The following LTBP2 variants were observed in gnomAD, a reference collection of about 807,000 sequenced individuals.
LTBP2 encodes latent transforming growth factor beta binding protein 2.
LTBP2 carries 103 observed loss-of-function variants against 210.6 expected under a neutral mutation model. The observed-to-expected ratio is 0.49, with a 90% confidence interval of 0.42 to 0.58. The LOEUF is 0.58. Among genes scored for constraint, LTBP2 ranks in the 20% least tolerant of loss-of-function variants. LTBP2 has a pLI of 0.00. For missense variants in LTBP2, 2,313 were observed against 2,494.5 expected, an observed-to-expected ratio of 0.93 and a Z score of 1.55; for synonymous variants, 1,007 against 1,015.0, an observed-to-expected ratio of 0.99 and a Z score of 0.15.
intron 22 of LTBP2, 68 bp downstream of exon 22, chr14:74,509,170 T>C: frequency 6.2e-7 from 1 of 1,609,266 alleles, no homozygotes; most frequent in South Asian, 1.1e-5. Context: ...CCCCACCTGC[T>C]GGGCTTCACC....
chr14:74,548,854 G>T (rs1389419524), intron 8 of LTBP2, among the ~76,000 whole-genome samples: 1 of 152,238 alleles, frequency 6.6e-6, no homozygotes, highest in Non-Finnish European at 1.5e-5. Context: ...TGATCAGGAA[G>T]AGCTGGGACT....
intron 18 of LTBP2, among the ~76,000 whole-genome samples, chr14:74,514,878 G>C (rs143956423): frequency 1.3e-5 from 2 of 152,216 alleles, no homozygotes; most frequent in East Asian, 3.8e-4. Flanking sequence ...ACCTGGAGAA[G>C]TGTGCGGGCT....
chr14:74,517,572 T>C (rs2087152365), intron 17 of LTBP2, among the ~76,000 whole-genome samples: 1 of 152,006 alleles, frequency 6.6e-6, no homozygotes, highest in South Asian at 2.1e-4. Flanking sequence ...GAGGTTTCAC[T>C]ATGTTGACCA....
intron 3 of LTBP2, among the ~76,000 whole-genome samples, chr14:74,584,907 C>A (rs1222911662): frequency 2.0e-5 from 3 of 152,174 alleles, no homozygotes; most frequent in Non-Finnish European, 4.4e-5. Flanking sequence ...TGGAACCTAA[C>A]CTCAAGGTCG....
intron 3 of LTBP2, among the ~76,000 whole-genome samples, chr14:74,562,338 G>A (rs983716499): frequency 2.0e-5 from 3 of 152,090 alleles, no homozygotes; most frequent in Admixed American, 2.0e-4. Flanking sequence ...GGGGAGAGGG[G>A]GGAAGGGAAA....
rs368255719 is a variant in LTBP2 at position 74,527,399 on chromosome 14, G to C, written c.2369-33C>G. ...GGAAAGGTAACAGCGTGAGCTCAGG[G>C]AGGAGGGTCTGGCTGCCTTCTCCCC... On this transcript the variant is annotated intron_variant, in intron 12 of 35. Transcript: ENST00000261978. 7.5e-6 allele frequency: 12 copies of C among 1,603,046 alleles called. No homozygotes were observed. The South Asian group carries it at 1.1e-4, about 15-fold the overall frequency.
chr14:74,600,888 G>T (rs965178158), intron 2 of LTBP2, among the ~76,000 whole-genome samples: 4 of 152,140 alleles, frequency 2.6e-5, no homozygotes, highest in Non-Finnish European at 4.4e-5. Flanking sequence ...TTAGAACATA[G>T]AATATCCGCC....
chr14:74,611,033 G>T (rs900605565), intron 1 of LTBP2, among the ~76,000 whole-genome samples: 1 of 152,070 alleles, frequency 6.6e-6, no homozygotes, highest in African/African-American at 2.4e-5. Context: ...CCGCCAACCC[G>T]CGCTCTGAGC....
chr14:74,579,090 C>T (rs934171772), intron 3 of LTBP2, among the ~76,000 whole-genome samples: 7 of 152,194 alleles, frequency 4.6e-5, no homozygotes, highest in African/African-American at 7.2e-5. Context: ...CTCCTGACCT[C>T]GGGTGATCCA....
chr14:74,583,226 A>G (rs1395685124), intron 3 of LTBP2, among the ~76,000 whole-genome samples: 3 of 152,090 alleles, frequency 2.0e-5, no homozygotes, highest in Non-Finnish European at 4.4e-5. Flanking sequence ...TCCCCTCCCC[A>G]GACATTTCCC....
intron 30 of LTBP2, among the ~76,000 whole-genome samples, chr14:74,504,286 T>C (rs934973934): frequency 6.6e-6 from 1 of 152,234 alleles, no homozygotes. Flanking sequence ...GCACGGCGTG[T>C]AGCCAGCACC....
chr14:74,553,325 C>T (rs1237545530), intron 4 of LTBP2, among the ~76,000 whole-genome samples: 1 of 152,158 alleles, frequency 6.6e-6, no homozygotes, highest in East Asian at 1.9e-4. Context: ...TTAGAAATTG[C>T]CATTTTTGTA....
intron 18 of LTBP2, among the ~76,000 whole-genome samples, chr14:74,511,648 TTG>T (rs1214123749): frequency 1.3e-5 from 2 of 152,156 alleles, no homozygotes; most frequent in Non-Finnish European, 2.9e-5. Context: ...AGGCTCCACT[TTG>T]TGAGCTGGGC....
intron 3 of LTBP2, among the ~76,000 whole-genome samples, chr14:74,579,125 G>A (rs1218922689): frequency 1.3e-5 from 2 of 152,208 alleles, no homozygotes; most frequent in African/African-American, 2.4e-5. Flanking sequence ...CCAAAGTGCT[G>A]GGATTACAGG....
At chr14:74,541,181 A>G (rs1409413222) in intron 8 of LTBP2, among the ~76,000 whole-genome samples, 3 of 151,698 alleles carry the variant, frequency 2.0e-5, no homozygotes, top group Admixed American at 1.3e-4. Flanking sequence ...AACTCAGTTC[A>G]TGGTGTGTCG....
chr14:74,584,003 C>T (rs775424406), intron 3 of LTBP2, among the ~76,000 whole-genome samples: 8 of 152,116 alleles, frequency 5.3e-5, no homozygotes, highest in Non-Finnish European at 8.8e-5. Context: ...GAGGGTTCAG[C>T]GCCAAGTAGG....
At chr14:74,550,920 G>T in intron 7 of LTBP2, 144 bp downstream of exon 7, 2 of 1,063,672 alleles carry the variant, frequency 1.9e-6, no homozygotes, top group African/African-American at 1.6e-5. Context: ...TTCATGCCTT[G>T]GGTTTTCCCA....
At chr14:74,584,998 T>C (rs1469331597) in intron 3 of LTBP2, among the ~76,000 whole-genome samples, 1 of 152,126 alleles carries the variant, frequency 6.6e-6, no homozygotes, top group African/African-American at 2.4e-5. Context: ...GTTGCAACAT[T>C]TCAGAAAGAA....
At chr14:74,543,653 G>C (rs1228458607) in intron 8 of LTBP2, among the ~76,000 whole-genome samples, 1 of 151,954 alleles carries the variant, frequency 6.6e-6, no homozygotes, top group Non-Finnish European at 1.5e-5. Flanking sequence ...CAACCTCTTT[G>C]AGGCTGGGTC....
Sources: gnomAD v4.1 joint callset for allele counts (sites outside exome capture counted in the v4.1 genomes callset) on GRCh38, gnomAD v4.1.1 for gene constraint, MANE v1.5 for transcripts, NCBI Gene and HGNC (gene_info 2026-07-23, HGNC 2026-07-21) for gene names.